The following ZNF670 variants were observed in gnomAD, a reference collection of about 807,000 sequenced individuals.
ZNF670 encodes the protein zinc finger protein 670.
In ZNF670, 7 loss-of-function variants were observed where a neutral mutation model predicts 10.9. The ratio of observed to expected loss-of-function variants is 0.64; its 90% CI spans 0.36 to 1.20. The LOEUF (loss-of-function observed/expected upper bound fraction) is 1.20, where lower values mean the gene tolerates loss of function less well. Among genes scored for constraint, ZNF670 ranks in the 50% most tolerant of loss-of-function variants. ZNF670 has a pLI of 0.02. For missense variants in ZNF670, 446 were observed against 458.6 expected (o/e 0.97, Z 0.25); for synonymous variants, 136 against 152.7 (o/e 0.89, Z 0.81).
chr1:247,039,060 C>CTTTT (rs3078762), intron 2 of ZNF670, among the ~76,000 whole-genome samples, 190 bp from the exon 3 acceptor site: 9,032 of 125,444 alleles, frequency 0.072, 505 homozygotes, highest in African/African-American at 0.13. Context: ...TTCTTTCTTT[C>CTTTT]TTTTTTTTTT....
chr1:247,075,584 G>A (rs1223526830), intron 1 of ZNF670, among the ~76,000 whole-genome samples: 3 of 152,114 alleles, frequency 2.0e-5, no homozygotes, highest in African/African-American at 7.2e-5. Flanking sequence ...TGGTGATAGC[G>A]AATACGTTTC....
intron 3 of ZNF670, 101 bp downstream of exon 3, chr1:247,038,709 A>G: frequency 9.1e-7 from 1 of 1,095,276 alleles, no homozygotes; most frequent in Non-Finnish European, 1.3e-6. Flanking sequence ...TCTGGAAAAA[A>G]AAAATTTCTA....
intron 1 of ZNF670, among the ~76,000 whole-genome samples, chr1:247,077,857 C>A (rs66888664): frequency 0.25 from 37,314 of 152,028 alleles, 5,304 homozygotes; most frequent in African/African-American, 0.38. Flanking sequence ...GGGGGGATCG[C>A]TTGAGCCCGA....
At chr1:247,069,886 T>C (rs57041794) in intron 1 of ZNF670, among the ~76,000 whole-genome samples, 124 of 152,270 alleles carry the variant, frequency 8.1e-4, no homozygotes, top group African/African-American at 2.8e-3. Context: ...GGATGGTTAA[T>C]GCGTATTTAA....
chr1:247,046,297 A>C (rs1670446663), intron 1 of ZNF670, among the ~76,000 whole-genome samples: 1 of 152,142 alleles, frequency 6.6e-6, no homozygotes, highest in South Asian at 2.1e-4. Context: ...ATTTCAGAAA[A>C]CTGTGGCAGC....
chr1:247,039,605 C>T (rs990377974), intron 1 of ZNF670, 68 bp from the exon 2 acceptor site: 2 of 1,397,050 alleles, frequency 1.4e-6, no homozygotes, highest in Admixed American at 2.9e-5. Context: ...CTATACTCAT[C>T]TCATAAAATC....
In ZNF670 at chr1:247,044,978, T is replaced by G. The variant is rs563182773; in HGVS notation, c.4-5441A>C. ...AAAAGTTAAAAAAAAAAAGCAACAT[T>G]CACATTCACAATAAAAGGCAAATAA... On this transcript the variant is annotated intron_variant, in intron 1 of 3. Coordinates refer to ENST00000366503, the MANE Select transcript of ZNF670 (RefSeq NM_033213.5). Among the ~76,000 whole-genome samples the G allele has an allele frequency of 3.3e-5, 5 of 151,704 alleles. No homozygotes were observed. The East Asian group carries it at 9.7e-4, about 29-fold the overall frequency.
intron 1 of ZNF670, among the ~76,000 whole-genome samples, chr1:247,047,582 T>C (rs901869060): frequency 3.6e-3 from 476 of 130,812 alleles, no homozygotes; most frequent in Middle Eastern, 0.014. Flanking sequence ...GGGATTCCAA[T>C]CCCACATTTC....
chr1:247,073,733 C>T (rs1378061712), intron 1 of ZNF670, among the ~76,000 whole-genome samples: 1 of 152,132 alleles, frequency 6.6e-6, no homozygotes, highest in African/African-American at 2.4e-5. Flanking sequence ...CAACACATAC[C>T]CCATAAGCTC....
At chr1:247,068,319 CAAAAAAA>C (rs74163724) in intron 1 of ZNF670, among the ~76,000 whole-genome samples, 1 of 55,278 alleles carries the variant, frequency 1.8e-5, no homozygotes, top group Non-Finnish European at 3.1e-5. Flanking sequence ...ATTCTGTCTC[CAAAAAAA>C]AAAAAAAAAA....
chr1:247,042,153 T>A (rs1670325662), intron 1 of ZNF670, among the ~76,000 whole-genome samples: 2 of 152,256 alleles, frequency 1.3e-5, no homozygotes, highest in Non-Finnish European at 2.9e-5. Flanking sequence ...AACACAATTT[T>A]TATGTTTCTT....
rs927111470 is a variant in ZNF670 at position 247,078,749 on chromosome 1, C to A, written c.-153G>T. ...ACCGAGCTCGCCACATTCGCGCTGC[C>A]CAACACAAAAGCCGCGCCAGGTCCC... On this transcript the variant is annotated 5_prime_UTR_variant, in exon 1 of 4. Transcript: ENST00000366503. 1.0e-5 allele frequency: 8 copies of A among 801,386 alleles called. No individual in the cohort carries two copies. The highest frequency in any genetic ancestry group is 1.6e-5 in the Non-Finnish European group (8 of 506,790). 49.6% of individuals were successfully genotyped at this position (801,386 alleles called of 1,614,324 possible).
At chr1:247,072,808 A>G (rs1234027234) in intron 1 of ZNF670, among the ~76,000 whole-genome samples, 11 of 38,016 alleles carry the variant, frequency 2.9e-4, no homozygotes, top group African/African-American at 7.9e-4. Context: ...GTGTGTGTAT[A>G]TATATATATA....
At chr1:247,064,339 G>A (rs968938746) in intron 1 of ZNF670, among the ~76,000 whole-genome samples, 3 of 152,182 alleles carry the variant, frequency 2.0e-5, no homozygotes, top group African/African-American at 7.2e-5. Flanking sequence ...AATGCTACCT[G>A]CTCCTCTCTG....
intron 1 of ZNF670, among the ~76,000 whole-genome samples, chr1:247,041,291 T>C (rs1429204599): frequency 1.3e-5 from 2 of 151,806 alleles, no homozygotes; most frequent in African/African-American, 4.8e-5. Flanking sequence ...ATTCAGGAAA[T>C]TAAAAGGCAA....
intron 1 of ZNF670, among the ~76,000 whole-genome samples, chr1:247,071,880 T>C (rs1298917182): frequency 2.7e-5 from 4 of 150,778 alleles, no homozygotes; most frequent in Admixed American, 6.6e-5. Flanking sequence ...TTTTTTTAGA[T>C]GGAGTCTCAC....
rs375731131 is a variant in ZNF670, at chr1:247,037,604, A to G, written c.1015T>C (p.Cys339Arg). The change falls in exon 4 of 4, where the codon TGT (cysteine) becomes CGT (arginine). Residue 339 changes from cysteine (C) to arginine (R), a missense_variant. Physicochemically the swap from Cys to Arg is radical, Grantham distance 180 (BLOSUM62 -3). Coordinates refer to ENST00000366503, the MANE Select transcript of ZNF670 (RefSeq NM_033213.5). ...RTHTGVKPYG[C>R]KECGKSFTSS... ...GTAAACGACTTACCACATTCCTTAC[A>G]TCCATAAGGTTTCACTCCAGTGTGA... is the stretch of plus-strand genomic sequence containing the variant. 18 of 1,613,934 alleles carry G rather than the reference A, an allele frequency of 1.1e-5. No individual in the cohort carries two copies. Among genetic ancestry groups the G allele is most frequent in the Non-Finnish European group, 1.4e-5 (16 of 1,180,010 alleles).
chr1:247,059,042 GC>G (rs1670789935), intron 1 of ZNF670, among the ~76,000 whole-genome samples: 2 of 151,882 alleles, frequency 1.3e-5, no homozygotes, highest in South Asian at 4.1e-4. Flanking sequence ...AGACAACACT[GC>G]CCTAACTACC....
Position 247,038,889 on chromosome 1 carries a change from A to G in ZNF670, c.131-19T>C. On this transcript the variant is annotated intron_variant, in intron 2 of 3. Transcript: ENST00000366503. Reference sequence around the variant, plus strand: ...TTGTTTCCTAAAAGGTACAACCATAAGATTATTCAAATGATTAGAAACTTT... The same window carrying G: ...TTGTTTCCTAAAAGGTACAACCATAGGATTATTCAAATGATTAGAAACTTT... The G allele has an allele frequency of 6.3e-7, 1 of 1,594,476 alleles. No individual in the cohort carries two copies.
Sources: gnomAD v4.1 joint callset for allele counts (sites outside exome capture counted in the v4.1 genomes callset) on GRCh38, gnomAD v4.1.1 for gene constraint, MANE v1.5 for transcripts, NCBI Gene and HGNC (gene_info 2026-07-23, HGNC 2026-07-21) for gene names.